Variants in KDM6A observed in about 807,000 individuals in gnomAD.
KDM6A encodes lysine demethylase 6A.
In KDM6A, 11 loss-of-function variants were observed where a neutral mutation model predicts 117.6. The ratio of observed to expected loss-of-function variants is 0.09; its 90% CI spans 0.06 to 0.15. The LOEUF (loss-of-function observed/expected upper bound fraction) is 0.15. Among genes scored for constraint, KDM6A ranks in the 10% least tolerant of loss-of-function variants. KDM6A has a pLI of 1.00. For synonymous variants in KDM6A, 384 were observed against 396.1 expected (o/e 0.97, Z 0.36); for missense variants, 799 against 1,077.3 (o/e 0.74, Z 3.62).
intron 27 of KDM6A, among the ~76,000 whole-genome samples, chrX:45,092,739 C>T (rs911154713): frequency 3.6e-5 from 4 of 111,129 alleles, no homozygotes; most frequent in Non-Finnish European, 7.5e-5. Context: ...GAGGGAAGGT[C>T]GGAGTGCTCC....
intron 4 of KDM6A, 98 bp downstream of exon 4, chrX:44,974,813 A>T (rs1460593785): frequency 3.3e-6 from 2 of 613,715 alleles, no homozygotes; most frequent in South Asian, 4.5e-5. Flanking sequence ...TTTTTTGTTA[A>T]TTACTTAAAA....
chrX:44,929,696 A>G (rs886233832), intron 2 of KDM6A, among the ~76,000 whole-genome samples: 4 of 111,917 alleles, frequency 3.6e-5, no homozygotes, highest in African/African-American at 9.7e-5. Context: ...TATATGTTTA[A>G]CTGAATAAAC....
At chrX:44,926,065 C>T (rs1449772179) in intron 2 of KDM6A, among the ~76,000 whole-genome samples, 1 of 106,311 alleles carries the variant, frequency 9.4e-6, no homozygotes, top group Non-Finnish European at 1.9e-5. Flanking sequence ...CTTTCCCTCC[C>T]TCCCTCCCTC....
chrX:44,944,621 GTCT>G (rs2037526990), intron 2 of KDM6A, among the ~76,000 whole-genome samples: 1 of 111,431 alleles, frequency 9.0e-6, no homozygotes, highest in African/African-American at 3.3e-5. Flanking sequence ...GGTTTTGTAG[GTCT>G]TCTAGCATAT....
intron 4 of KDM6A, among the ~76,000 whole-genome samples, chrX:45,001,845 G>A (rs1569514013): frequency 3.6e-5 from 4 of 110,999 alleles, no homozygotes; most frequent in South Asian, 3.8e-4. Flanking sequence ...AGCAGTCTCC[G>A]TAGTTAGCAG....
intron 18 of KDM6A, among the ~76,000 whole-genome samples, chrX:45,075,957 C>G: frequency 9.0e-6 from 1 of 110,855 alleles, no homozygotes; most frequent in African/African-American, 3.3e-5. Context: ...AAAATTATTT[C>G]TTGTTGATTT....
chrX:44,990,166 G>A lies in KDM6A; in HGVS notation c.384+15451G>A, dbSNP rs779462472. 1.3e-3 allele frequency among the ~76,000 whole-genome samples: 145 copies of A among 112,168 alleles called. 1 individual carries two copies. Among genetic ancestry groups the A allele is most frequent in the Middle Eastern group, 4.6e-3 (1 of 217 alleles). On this transcript the variant is annotated intron_variant, in intron 4 of 29. Coordinates refer to ENST00000611820, the MANE Select transcript of KDM6A (RefSeq NM_001291415.2). ...TCCATATCTTGTGAAATACGATAGT[G>A]CTGGAGATCAGATAAAGTTAAATAA... is the stretch of plus-strand genomic sequence containing the variant.
chrX:45,063,773 A>G lies in KDM6A; in HGVS notation c.2035A>G (p.Ser679Gly). The change falls in exon 17 of 30, where the codon AGC becomes GGC. Residue 679 changes from serine (S) to glycine (G), a missense_variant. Physicochemically the swap from Ser to Gly is moderately conservative, Grantham distance 56. Around this residue, in one of 8 missense-constraint regions of KDM6A, gnomAD observed 301 missense variants for 318.3 expected, o/e 0.95. Transcript: ENST00000611820. ...TCATAACCGCACAAACCTGACCAGCAGCGCAGAGGAGCCGTGGAAAAACCA... is the reference window on the plus strand; with the variant it reads ...TCATAACCGCACAAACCTGACCAGCGGCGCAGAGGAGCCGTGGAAAAACCA... The part of the protein sequence containing the change: ...LPHNRTNLTS[S>G]AEEPWKNQLS... 1 of 1,205,393 alleles carries G rather than the reference A, an allele frequency of 8.3e-7. No individual in the cohort carries two copies. Among genetic ancestry groups the G allele is most frequent in the South Asian group, 1.8e-5 (1 of 55,883 alleles).
intron 5 of KDM6A, among the ~76,000 whole-genome samples, chrX:45,011,709 A>G (rs2041764475): frequency 9.0e-6 from 1 of 111,680 alleles, no homozygotes; most frequent in South Asian, 3.7e-4. Context: ...ATTGCCACTT[A>G]GTTTGATCTT....
intron 3 of KDM6A, among the ~76,000 whole-genome samples, chrX:44,972,833 G>A (rs915841553): frequency 9.1e-6 from 1 of 110,432 alleles, no homozygotes; most frequent in African/African-American, 3.3e-5. Context: ...TCGGGAGTTC[G>A]AGACCAGCCT....
chrX:45,078,514 TAAATTAAAA>T lies in KDM6A; in HGVS notation c.3094+12_3094+20del, dbSNP rs1241788087. 1.7e-6 allele frequency: 2 copies of T among 1,185,533 alleles called. No homozygotes were observed. Among genetic ancestry groups the T allele is most frequent in the African/African-American group, 3.5e-5 (2 of 56,845 alleles). On this transcript the variant is annotated intron_variant, in intron 20 of 29. Coordinates refer to ENST00000611820, the MANE Select transcript of KDM6A (RefSeq NM_001291415.2). ...TGGAGCTCTTAAGTTAGGTAAGCCT[TAAATTAAAA>T]AAGGAAAACGTTTGTCTCTTTGTTT... is the stretch of plus-strand genomic sequence containing the variant.
At chrX:44,983,086 T>C (rs2039992912) in intron 4 of KDM6A, among the ~76,000 whole-genome samples, 1 of 112,059 alleles carries the variant, frequency 8.9e-6, no homozygotes, top group African/African-American at 3.2e-5. Context: ...GTGAGCTCTT[T>C]TAAAGAAAAG....
intron 27 of KDM6A, among the ~76,000 whole-genome samples, chrX:45,105,788 G>A (rs1183879299): frequency 1.8e-5 from 2 of 112,194 alleles, no homozygotes; most frequent in African/African-American, 6.5e-5. Flanking sequence ...TCAGTCCTTC[G>A]CCTGTTAGGA....
intron 7 of KDM6A, 130 bp from the exon 8 acceptor site, chrX:45,037,525 T>C: frequency 4.0e-6 from 2 of 493,908 alleles, no homozygotes; most frequent in South Asian, 3.6e-5. Flanking sequence ...ATAAAAGTTA[T>C]GTTTTTCTAT....
intron 2 of KDM6A, among the ~76,000 whole-genome samples, chrX:44,944,403 T>C (rs904456475): frequency 6.3e-5 from 7 of 111,644 alleles, no homozygotes; most frequent in African/African-American, 2.3e-4. Context: ...TTGCTTATTC[T>C]AGTTTATTTG....
chrX:44,960,885 A>C (rs2038632291), intron 2 of KDM6A, among the ~76,000 whole-genome samples: 1 of 112,042 alleles, frequency 8.9e-6, no homozygotes. Context: ...GTGAGATCTC[A>C]CATAATTCAA....
rs141646996 is a variant in KDM6A, at chrX:44,924,065, C to G, written c.226-37219C>G. 4.2e-3 allele frequency among the ~76,000 whole-genome samples: 475 copies of G among 112,207 alleles called. 1 individual carries two copies. Among genetic ancestry groups the G allele is most frequent in the Non-Finnish European group, 4.9e-3 (263 of 53,213 alleles). On this transcript the variant is annotated intron_variant, in intron 2 of 29. Coordinates refer to ENST00000611820, the MANE Select transcript of KDM6A (RefSeq NM_001291415.2). The stretch of plus-strand genomic sequence containing the variant: ...CATCAGTATGTTTTTTACCTCAAGA[C>G]ATTGTAATTTTTGTTTAGGCTGTTT...
chrX:44,906,665 G>A (rs754995827), intron 2 of KDM6A, among the ~76,000 whole-genome samples: 1 of 110,348 alleles, frequency 9.1e-6, no homozygotes, highest in Non-Finnish European at 1.9e-5. Context: ...ATGTGTATGT[G>A]TGTGTATGTG....
intron 2 of KDM6A, among the ~76,000 whole-genome samples, chrX:44,875,668 AAG>A (rs1317231180): frequency 9.0e-6 from 1 of 111,601 alleles, no homozygotes; most frequent in Non-Finnish European, 1.9e-5. Context: ...TTTAAATTAA[AAG>A]AGCATTATTT....
Sources: gnomAD v4.1 joint callset for allele counts (sites outside exome capture counted in the v4.1 genomes callset) on GRCh38, gnomAD v4.1.1 for gene constraint, gnomAD v4.1.1 regional missense constraint, MANE v1.5 for transcripts, NCBI Gene and HGNC (gene_info 2026-07-23, HGNC 2026-07-21) for gene names.